NARS1: variants seen among roughly 807,000 people sequenced by gnomAD.
The protein encoded by NARS1 is asparaginyl-tRNA synthetase 1, also known as asparagine--tRNA ligase, cytoplasmic.
NARS1 carries 65 observed loss-of-function variants against 79.2 expected under a neutral mutation model. That is an observed-to-expected ratio of 0.82 (90% confidence interval 0.67 to 1.01). The LOEUF (loss-of-function observed/expected upper bound fraction) is 1.01. Ranked by LOEUF, NARS1 falls within the 50% of genes least tolerant of loss-of-function variation. The pLI is 0.00. For missense variants in NARS1, 649 were observed against 673.8 expected (o/e 0.96, Z 0.41); for synonymous variants, 229 against 238.8 (o/e 0.96, Z 0.38).
At chr18:57,612,891 C>T (rs1318181559) in intron 5 of NARS1, among the ~76,000 whole-genome samples, 2 of 152,130 alleles carry the variant, frequency 1.3e-5, no homozygotes, top group African/African-American at 4.8e-5. Flanking sequence ...AGAGTCAAAA[C>T]TATGGCCAAG....
intron 2 of NARS1, among the ~76,000 whole-genome samples, chr18:57,616,509 C>T (rs1908036393): frequency 6.6e-6 from 1 of 151,532 alleles, no homozygotes; most frequent in Non-Finnish European, 1.5e-5. Flanking sequence ...TTCGGGTATA[C>T]ACGATACAGT....
chr18:57,605,979 G>C lies in NARS1; in HGVS notation c.1138-9C>G. ...TTGGGGGGCTGAAAGTTCTACAGAAGAAAGGAAAAATATAATGTGTATATA... is the reference window on the plus strand; with the variant it reads ...TTGGGGGGCTGAAAGTTCTACAGAACAAAGGAAAAATATAATGTGTATATA... On this transcript the variant is annotated splice_polypyrimidine_tract_variant and intron_variant, in intron 10 of 13. Coordinates refer to ENST00000256854, the MANE Select transcript of NARS1 (RefSeq NM_004539.4). 6.4e-7 allele frequency: 1 copy of C among 1,556,784 alleles called. No individual in the cohort carries two copies. Among genetic ancestry groups the C allele is most frequent in the Non-Finnish European group, 8.8e-7 (1 of 1,132,636 alleles).
intron 1 of NARS1, among the ~76,000 whole-genome samples, 173 bp from the exon 2 acceptor site, chr18:57,620,824 T>C (rs888990508): frequency 1.3e-5 from 2 of 152,234 alleles, no homozygotes; most frequent in Non-Finnish European, 2.9e-5. Context: ...AACATCCATC[T>C]CATAAAAACA....
At chr18:57,614,166 T>C (rs2051628142) in intron 4 of NARS1, among the ~76,000 whole-genome samples, 2 of 152,028 alleles carry the variant, frequency 1.3e-5, no homozygotes, top group Admixed American at 1.3e-4. Context: ...CCCAGCTCCA[T>C]CACTAAGGAA....
At chr18:57,612,951 T>C (rs1207528210) in intron 5 of NARS1, among the ~76,000 whole-genome samples, 1 of 152,240 alleles carries the variant, frequency 6.6e-6, no homozygotes, top group Non-Finnish European at 1.5e-5. Flanking sequence ...TGATTTTCAC[T>C]AAATAATTAA....
At chr18:57,619,262 G>C (rs1908190718) in intron 2 of NARS1, among the ~76,000 whole-genome samples, 1 of 115,978 alleles carries the variant, frequency 8.6e-6, no homozygotes. Context: ...ACCATGCCTG[G>C]CTAATTTTTT....
At chr18:57,603,838 A>G (rs1470576734) in intron 11 of NARS1, among the ~76,000 whole-genome samples, 2 of 106,234 alleles carry the variant, frequency 1.9e-5, no homozygotes, top group African/African-American at 6.3e-5. Flanking sequence ...CATCTGCTTT[A>G]CACAGCGGGG....
chr18:57,619,219 C>A (rs888062845), intron 2 of NARS1, among the ~76,000 whole-genome samples: 2 of 150,308 alleles, frequency 1.3e-5, no homozygotes, highest in South Asian at 2.1e-4. Context: ...CTCAGTCTCC[C>A]GAGTAGCTGG....
At chr18:57,606,363 T>A (rs201969366) in intron 10 of NARS1, among the ~76,000 whole-genome samples, 49,488 of 142,818 alleles carry the variant, frequency 0.35, 9,635 homozygotes, top group East Asian at 0.54. Context: ...AATATATATA[T>A]ATATATATAT....
intron 2 of NARS1, 72 bp downstream of exon 2, chr18:57,620,497 G>A (rs150238867): frequency 3.5e-4 from 371 of 1,051,498 alleles, no homozygotes; most frequent in Non-Finnish European, 5.1e-4. Flanking sequence ...TAAGTTCTTG[G>A]CAAGTCACAA....
chr18:57,607,037 G>GC (rs1430641258), intron 9 of NARS1, 97 bp downstream of exon 9: 77 of 1,293,554 alleles, frequency 6.0e-5, no homozygotes, highest in Non-Finnish European at 8.1e-5. Context: ...TATATCAGTT[G>GC]GTTTTTTTTA....
At position 57,620,617 on chromosome 18, in the gene NARS1, A is replaced by T; in HGVS notation, c.45T>A (p.Asp15Glu). The T allele has an allele frequency of 6.2e-7, 1 of 1,613,810 alleles. No homozygotes were observed. The highest frequency in any genetic ancestry group is 2.2e-5 in the East Asian group (1 of 44,852). ...TCTCCTTGGTTCCATCTCCCGTGGC[A>T]TCGCTTCCCTCTCGGTCAGAGACGT... ...ELYVSDREGS[D>E]ATGDGTKEKP... The change falls in exon 2 of 14, where the codon GAT becomes GAA. Residue 15 changes from aspartate (D) to glutamate (E), a missense_variant. Coordinates refer to ENST00000256854, the MANE Select transcript of NARS1 (RefSeq NM_004539.4).
chr18:57,620,396 T>C (rs1908248854), intron 2 of NARS1, among the ~76,000 whole-genome samples, 173 bp downstream of exon 2: 1 of 152,254 alleles, frequency 6.6e-6, no homozygotes, highest in Non-Finnish European at 1.5e-5. Flanking sequence ...GTTTAGACTT[T>C]GATCATCTAA....
Position 57,605,854 on chromosome 18 carries a change from T to C in NARS1, c.1251+3A>G. The C allele has an allele frequency of 6.3e-7, 1 of 1,579,230 alleles. No homozygotes were observed. Among genetic ancestry groups the C allele is most frequent in the Non-Finnish European group, 8.7e-7 (1 of 1,152,178 alleles). On this transcript the variant is annotated splice_donor_region_variant and intron_variant, in intron 11 of 13. Coordinates refer to ENST00000256854, the MANE Select transcript of NARS1 (RefSeq NM_004539.4). The stretch of plus-strand genomic sequence containing the variant: ...GGAAACAATGAGAGAAAGGGATACA[T>C]ACTTCTCCAAATTCATAGAAAGTTC...
chr18:57,613,654 A>G lies in NARS1; in HGVS notation c.369T>C (p.Tyr123=). ...CAAACACCTTTACTCTTTGGCCTCT[A>G]TATCCTTCTAACGCACCAATCTTCA... ...KCVKIGALEG[Y]RGQRVKVFGW... The change falls in exon 5 of 14, where the codon TAT becomes TAC. Residue 123 remains tyrosine (Y), a synonymous_variant. Transcript: ENST00000256854. 6.2e-7 allele frequency: 1 copy of G among 1,614,144 alleles called. No homozygotes were observed. The highest frequency in any genetic ancestry group is 1.1e-5 in the South Asian group (1 of 91,086).
rs779716721 is a variant in NARS1 at position 57,607,353 on chromosome 18, G to A, written c.802-20C>T. ...AGTAACCTGTTCAAATGCAAAGAAG[G>A]AATAAATCAATGCTATCGTGAGCAC... On this transcript the variant is annotated intron_variant, in intron 8 of 13. Coordinates refer to ENST00000256854, the MANE Select transcript of NARS1 (RefSeq NM_004539.4). 10 of 1,612,270 alleles carry A rather than the reference G, an allele frequency of 6.2e-6. No individual in the cohort carries two copies. The highest frequency in any genetic ancestry group is 8.5e-6 in the Non-Finnish European group (10 of 1,178,416).
intron 2 of NARS1, among the ~76,000 whole-genome samples, chr18:57,619,390 T>C (rs533025234): frequency 6.7e-6 from 1 of 148,384 alleles, no homozygotes; most frequent in Non-Finnish European, 1.5e-5. Flanking sequence ...ATTAAAAAAT[T>C]TTTAAGAAGT....
intron 8 of NARS1, 45 bp downstream of exon 8, chr18:57,607,399 G>GGCAAAAAACATATTCTTT: frequency 6.2e-7 from 1 of 1,609,758 alleles, no homozygotes; most frequent in Non-Finnish European, 8.5e-7. Flanking sequence ...GTTTCAAAAC[G>GGCAAAAAACATATTCTTT]GCAAAAAACA....
rs376825673 is a variant in NARS1, at chr18:57,606,651, A to G, written c.1102T>C (p.Ser368Pro). ...VCDVVDRILK[S>P]PAGSIVHELN... is the part of the protein sequence containing the mutation. Reference sequence around the variant, plus strand: ...TCATGCACTATGCTCCCTGCAGGTGACTTCAATATTCGATCTACCACATCA... The same window carrying G: ...TCATGCACTATGCTCCCTGCAGGTGGCTTCAATATTCGATCTACCACATCA... The change falls in exon 10 of 14, where the codon TCA (serine) becomes CCA (proline). Residue 368 changes from serine (S) to proline (P), a missense_variant. Coordinates refer to ENST00000256854, the MANE Select transcript of NARS1 (RefSeq NM_004539.4). 3.1e-6 allele frequency: 5 copies of G among 1,613,968 alleles called. No homozygotes were observed. The highest frequency in any genetic ancestry group is 1.3e-5 in the African/African-American group (1 of 74,898).
Sources: allele counts gnomAD v4.1 joint callset (sites outside exome capture counted in the v4.1 genomes callset), GRCh38; gene constraint gnomAD v4.1.1; transcripts MANE v1.5; gene names NCBI Gene and HGNC (gene_info 2026-07-23, HGNC 2026-07-21).